Variants in DNAH1 observed in about 807,000 individuals in gnomAD.
The protein encoded by DNAH1 is dynein axonemal heavy chain 1, also known as axonemal beta dynein heavy chain 1.
DNAH1 carries 327 observed loss-of-function variants against 484.3 expected under a neutral mutation model. The observed-to-expected ratio is 0.68, with a 90% CI of 0.62 to 0.74. The LOEUF (loss-of-function observed/expected upper bound fraction) is 0.74, where lower values mean the gene tolerates loss of function less well. DNAH1 is among the 30% of genes least tolerant of loss of function. The pLI, the probability that DNAH1 is intolerant of heterozygous loss-of-function variation, is 0.00. For synonymous variants in DNAH1, 2,192 were observed against 2,191.9 expected (o/e 1.00, Z 0.00); for missense variants, 5,052 against 5,546.8 (o/e 0.91, Z 2.83).
rs527307314 is a variant in DNAH1 at position 52,399,413 on chromosome 3, C to T, written c.12442-132C>T. 112 of 965,732 alleles carry T rather than the reference C, an allele frequency of 1.2e-4. No homozygotes were observed. In the African/African-American group the frequency reaches 1.5e-3, roughly 13 times the overall value. 59.8% of individuals were successfully genotyped at this position (965,732 alleles called of 1,614,324 possible). On this transcript the variant is annotated intron_variant, in intron 76 of 77. Coordinates refer to ENST00000420323, the MANE Select transcript of DNAH1 (RefSeq NM_015512.5). ...CAGGGCACAGACCACAGGCCATGGGCTAAAGTGGTAGGTACGTGATGATGG... is the reference window on the plus strand; with the variant it reads ...CAGGGCACAGACCACAGGCCATGGGTTAAAGTGGTAGGTACGTGATGATGG...
intron 20 of DNAH1, 114 bp from the exon 21 acceptor site, chr3:52,354,729 G>A (rs556630454): frequency 2.6e-5 from 24 of 937,270 alleles, no homozygotes; most frequent in East Asian, 7.9e-5. Context: ...TTGCCAGAGC[G>A]GCCATGTGGA....
intron 20 of DNAH1, 84 bp from the exon 21 acceptor site, chr3:52,354,759 C>G: frequency 7.1e-7 from 1 of 1,402,522 alleles, no homozygotes; most frequent in Non-Finnish European, 9.9e-7. Context: ...CAGGTACTGT[C>G]TGCTGCTTCC....
chr3:52,364,662 G>A lies in DNAH1; in HGVS notation c.5269G>A (p.Ala1757Thr). The A allele has an allele frequency of 6.2e-6, 10 of 1,614,004 alleles. No homozygotes were observed. The highest frequency in any genetic ancestry group is 8.5e-6 in the Non-Finnish European group (10 of 1,179,898). Residue 1757 changes from alanine (A) to threonine (T), a missense_variant, in exon 33 of 78, where the codon GCC (alanine) becomes ACC (threonine). By Grantham distance (58) the Ala-to-Thr change is moderately conservative. Transcript: ENST00000420323. This position sits in a 1 kb window ranked among gnomAD's most constrained non-coding sequence, Gnocchi z 4.2. ...SQDHYDFGMR[A>T]VKTVISAAGN... ...GGATCACTATGACTTCGGGATGAGA[G>A]CCGTGAAAACTGTGATCTCGGCTGC...
In DNAH1 at chr3:52,355,011, G is replaced by T. The variant is rs1578130175; in HGVS notation, c.3649G>T (p.Glu1217Ter). The change falls in exon 21 of 78, where the codon GAG becomes TAG. Residue 1217 changes from glutamate to a stop codon, truncating the protein, a stop_gained. Coordinates refer to ENST00000420323, the MANE Select transcript of DNAH1 (RefSeq NM_015512.5). LOFTEE classifies it high-confidence loss of function. This position sits in a 1 kb window ranked among gnomAD's most constrained non-coding sequence, Gnocchi z 4.5. The part of the protein sequence containing the change: ...MSFSPYKKPF[E>*]QRINSWENKL... ...ATTTTCACCCTACAAGAAGCCCTTTGAGCAGCGCATCAACTCCTGGGAGAA... is the reference window on the plus strand; with the variant it reads ...ATTTTCACCCTACAAGAAGCCCTTTTAGCAGCGCATCAACTCCTGGGAGAA... The T allele has an allele frequency of 6.2e-7, 1 of 1,613,790 alleles. No homozygotes were observed. The highest frequency in any genetic ancestry group is 1.3e-5 in the African/African-American group (1 of 74,924).
At position 52,392,629 on chromosome 3, in the gene DNAH1, A is replaced by G; in HGVS notation, c.10218A>G (p.Val3406=). ...TCAGCTCCTCCGAGGGCAACCCTGTAGATGACATGGAACTCATCAAGGTGC... is the reference window on the plus strand; with the variant it reads ...TCAGCTCCTCCGAGGGCAACCCTGTGGATGACATGGAACTCATCAAGGTGC... ...YRLSSSEGNP[V]DDMELIKVLE... is the part of the protein sequence containing the mutation. Residue 3406 remains valine (V), a synonymous_variant, in exon 64 of 78, where the codon GTA becomes GTG. Transcript: ENST00000420323. 1 of 1,613,070 alleles carries G rather than the reference A, an allele frequency of 6.2e-7. No individual in the cohort carries two copies. Among genetic ancestry groups the G allele is most frequent in the Non-Finnish European group, 8.5e-7 (1 of 1,179,530 alleles).
At position 52,360,410 on chromosome 3, in the gene DNAH1, G is replaced by GC; in HGVS notation, c.4675dup (p.Leu1559ProfsTer31). ...GCAACAGTGGGAGGCTGGTGATCAC[G>GC]CCCCTCACCGACAGGTAAGCGTTCC... On this transcript the variant is annotated frameshift_variant, in exon 28 of 78. Coordinates refer to ENST00000420323, the MANE Select transcript of DNAH1 (RefSeq NM_015512.5). LOFTEE classifies it high-confidence loss of function. 6.2e-7 allele frequency: 1 copy of GC among 1,613,564 alleles called. No individual in the cohort carries two copies. Among genetic ancestry groups the GC allele is most frequent in the Non-Finnish European group, 8.5e-7 (1 of 1,179,642 alleles).
In DNAH1 at chr3:52,388,907, T is replaced by G. The variant is rs1350834379; in HGVS notation, c.9465T>G (p.Ala3155=). Residue 3155 remains alanine (A), a synonymous_variant, in exon 59 of 78, where the codon GCT becomes GCG. Coordinates refer to ENST00000420323, the MANE Select transcript of DNAH1 (RefSeq NM_015512.5). ...NNISGDVLVA[A]GFVAYLGPFT... is the part of the protein sequence containing the mutation. Reference sequence around the variant, plus strand: ...TCTCCGGCGATGTCCTGGTGGCCGCTGGCTTTGTGGCCTACCTGGGCCCCT... The same window carrying G: ...TCTCCGGCGATGTCCTGGTGGCCGCGGGCTTTGTGGCCTACCTGGGCCCCT... 1 of 1,610,822 alleles carries G rather than the reference T, an allele frequency of 6.2e-7. No individual in the cohort carries two copies. The highest frequency in any genetic ancestry group is 1.1e-5 in the South Asian group (1 of 90,888).
chr3:52,394,995 A>G lies in DNAH1; in HGVS notation c.10904A>G (p.Lys3635Arg), dbSNP rs541150767. 2 of 1,612,582 alleles carry G rather than the reference A, an allele frequency of 1.2e-6. No homozygotes were observed. The highest frequency in any genetic ancestry group is 1.7e-6 in the Non-Finnish European group (2 of 1,179,356). ...LLVLRCLRGDKVTNAMQDFVA... is the reference protein window; with the variant it reads ...LLVLRCLRGDRVTNAMQDFVA... ...GTCCTCCGCTGCCTGCGTGGGGACA[A>G]GGTTACCAACGCCATGCAGGACTTT... Residue 3635 changes from lysine to arginine, a missense_variant, in exon 68 of 78, where the codon AAG (lysine) becomes AGG (arginine). Around this residue, in one of 4 missense-constraint regions of DNAH1, gnomAD observed 853 missense variants for 899.0 expected, o/e 0.95. Transcript: ENST00000420323.
At chr3:52,327,007 G>A (rs1701371483) in intron 5 of DNAH1, 116 bp downstream of exon 5, 5 of 1,347,156 alleles carry the variant, frequency 3.7e-6, no homozygotes, top group Non-Finnish European at 1.0e-6. Flanking sequence ...GCACACTCTT[G>A]TCAAACAGGG....
chr3:52,311,288 G>T, the DNAH1 span, among the ~76,000 whole-genome samples: 4 of 152,234 alleles, frequency 2.6e-5, no homozygotes, highest in Non-Finnish European at 5.9e-5. Flanking sequence ...CTCACTGTGG[G>T]TGTGACCGGG....
chr3:52,356,068 G>A (rs1209610873), intron 21 of DNAH1, among the ~76,000 whole-genome samples: 4 of 152,228 alleles, frequency 2.6e-5, no homozygotes, highest in Admixed American at 6.5e-5. Context: ...GGATGAGTGC[G>A]TGAGTTTGCG....
intron 23 of DNAH1, 27 bp downstream of exon 23, chr3:52,357,762 C>T (rs759260246): frequency 2.5e-6 from 4 of 1,572,426 alleles, no homozygotes; most frequent in South Asian, 2.3e-5. Flanking sequence ...CATGCCCACT[C>T]CGCCACTGTC....
rs1702711192 is a variant in DNAH1, at chr3:52,358,484, G to A, written c.4087-74G>A. ...AGGTGGAGGGCACCGGGCAGGCTTA[G>A]CGCTGGGGCTGTGGTGGCCAGGGCA... On this transcript the variant is annotated intron_variant, in intron 24 of 77. Transcript: ENST00000420323. The surrounding 1 kb of genome is among the most constrained non-coding windows in gnomAD (Gnocchi z 4.2). 1 of 1,476,062 alleles carries A rather than the reference G, an allele frequency of 6.8e-7. No individual in the cohort carries two copies. The highest frequency in any genetic ancestry group is 1.4e-5 in the African/African-American group (1 of 71,016). 91.4% of individuals were successfully genotyped at this position (1,476,062 alleles called of 1,614,324 possible).
chr3:52,311,102 G>A, the DNAH1 span, among the ~76,000 whole-genome samples: 2 of 152,346 alleles, frequency 1.3e-5, no homozygotes, highest in East Asian at 3.9e-4. Flanking sequence ...AGCTGGTGGG[G>A]CCTGAGGGAG....
In DNAH1 at chr3:52,364,485, C is replaced by A. The variant is rs963809575; in HGVS notation, c.5245-153C>A. Among the ~76,000 whole-genome samples the A allele has an allele frequency of 2.0e-5, 3 of 152,216 alleles. No individual in the cohort carries two copies. Among genetic ancestry groups the A allele is most frequent in the African/African-American group, 7.2e-5 (3 of 41,460 alleles). ...CCCAAAGAAGGTGCACCTGCCCAGG[C>A]TGGGCATGTAGGTGGTCCCAGCAGG... On this transcript the variant is annotated intron_variant, in intron 32 of 77. Transcript: ENST00000420323. The surrounding 1 kb of genome is among the most constrained non-coding windows in gnomAD (Gnocchi z 4.2).
Position 52,392,937 on chromosome 3 carries a change from C to T in DNAH1, c.10386C>T (p.Asp3462=), listed in dbSNP as rs371037989. 5 of 1,613,514 alleles carry T rather than the reference C, an allele frequency of 3.1e-6. No individual in the cohort carries two copies. In the Admixed American group the frequency reaches 6.7e-5, roughly 22 times the overall value. ...AGATCCTCTTCTTCTGTGTGTCCGA[C>T]CTGGCCAACGTGGACCCCATGTACC... ...RTQILFFCVS[D]LANVDPMYQY... is the part of the protein sequence containing the mutation. Residue 3462 remains aspartate, a synonymous_variant, in exon 65 of 78, where the codon GAC becomes GAT. Transcript: ENST00000420323.
In DNAH1 at chr3:52,353,356, A is replaced by G. The variant is rs765490640; in HGVS notation, c.3227-24A>G. 6 of 1,608,690 alleles carry G rather than the reference A, an allele frequency of 3.7e-6. No homozygotes were observed. The South Asian group carries it at 4.4e-5, about 12-fold the overall frequency. ...TCCCTGCCTCTGCCGCCTGCCTCTC[A>G]TGCGTTTCTGTCTTACCCGGCAGCC... On this transcript the variant is annotated intron_variant, in intron 19 of 77. Transcript: ENST00000420323. This position sits in a 1 kb window ranked among gnomAD's most constrained non-coding sequence, Gnocchi z 5.0.
rs1421545377 is a variant in DNAH1 at position 52,366,902 on chromosome 3, A to G, written c.5765+15A>G. The G allele has an allele frequency of 1.9e-6, 3 of 1,598,488 alleles. No homozygotes were observed. Among genetic ancestry groups the G allele is most frequent in the East Asian group, 2.2e-5 (1 of 44,544 alleles). On this transcript the variant is annotated intron_variant, in intron 36 of 77. Coordinates refer to ENST00000420323, the MANE Select transcript of DNAH1 (RefSeq NM_015512.5). ...ACCCATGAGTGGTGAGTGACCCCCC[A>G]GCCTCACCGGTGACCCCCTGCTCCC...
chr3:52,348,689 T>C (rs533763240), intron 12 of DNAH1, among the ~76,000 whole-genome samples, 199 bp from the exon 13 acceptor site: 1 of 152,322 alleles, frequency 6.6e-6, no homozygotes, highest in South Asian at 2.1e-4. Context: ...GCGTCTGGCC[T>C]TGTAAAGAGA....
Sources: allele counts gnomAD v4.1 joint callset (sites outside exome capture counted in the v4.1 genomes callset), GRCh38; gene constraint gnomAD v4.1.1; regional missense constraint gnomAD v4.1.1; non-coding constraint Gnocchi (gnomAD v3.1); transcripts MANE v1.5; gene names NCBI Gene and HGNC (gene_info 2026-07-23, HGNC 2026-07-21).